The following MTCL2 variants were observed in gnomAD, a reference collection of about 807,000 sequenced individuals.
MTCL2 encodes microtubule crosslinking factor 2.
At chr20:36,783,863 A>T in the MTCL2 span, 1 of 985,440 alleles carries the variant, frequency 1.0e-6, no homozygotes, top group Non-Finnish European at 1.2e-6. Context: ...AATGCTAAAA[A>T]CCGAACCAAA....
At chr20:36,844,366 G>A in the MTCL2 span, among the ~76,000 whole-genome samples, 1 of 150,842 alleles carries the variant, frequency 6.6e-6, no homozygotes, top group Non-Finnish European at 1.5e-5. Context: ...GACCAGCCTG[G>A]GCAACACAGT....
the MTCL2 span, among the ~76,000 whole-genome samples, chr20:36,802,467 A>T: frequency 6.6e-6 from 1 of 151,954 alleles, no homozygotes; most frequent in Non-Finnish European, 1.5e-5. Context: ...TTCCCATGGG[A>T]ACCACTCTTA....
chr20:36,800,712 G>GCTCA, the MTCL2 span, among the ~76,000 whole-genome samples: 2 of 152,186 alleles, frequency 1.3e-5, no homozygotes, highest in African/African-American at 4.8e-5. Context: ...CATGAAAAAT[G>GCTCA]CTCACCTTCA....
chr20:36,857,326 CTGTT>C, the MTCL2 span, among the ~76,000 whole-genome samples: 1 of 151,864 alleles, frequency 6.6e-6, no homozygotes, highest in Non-Finnish European at 1.5e-5. Flanking sequence ...TCCGTTGTGT[CTGTT>C]TGGTGATGTG....
At chr20:36,841,025 C>T in the MTCL2 span, among the ~76,000 whole-genome samples, 1 of 151,774 alleles carries the variant, frequency 6.6e-6, no homozygotes, top group Non-Finnish European at 1.5e-5. Context: ...ACAAAAGACA[C>T]CTGGCTGGGC....
chr20:36,808,485 C>A, the MTCL2 span: 1 of 1,555,726 alleles, frequency 6.4e-7, no homozygotes, highest in Admixed American at 1.9e-5. Flanking sequence ...GCCCACACTC[C>A]CAGTCCCAGT....
At chr20:36,841,880 T>TGGGGGG in the MTCL2 span, among the ~76,000 whole-genome samples, 8 of 126,756 alleles carry the variant, frequency 6.3e-5, no homozygotes, top group Non-Finnish European at 1.3e-4. Context: ...GTGGGGTGTG[T>TGGGGGG]GTGTGTGTGT....
chr20:36,815,320 T>C, the MTCL2 span: 3 of 1,613,704 alleles, frequency 1.9e-6, no homozygotes, highest in African/African-American at 2.7e-5. The surrounding 1 kb of genome is among the most constrained non-coding windows in gnomAD (Gnocchi z 5.3). Context: ...TGGATGAGCT[T>C]GGTGTCCCTG....
At chr20:36,827,889 GGC>G in the MTCL2 span, among the ~76,000 whole-genome samples, 1 of 152,330 alleles carries the variant, frequency 6.6e-6, no homozygotes, top group Non-Finnish European at 1.5e-5. Flanking sequence ...TTATGGGCCA[GGC>G]CATGGGGGTG....
At chr20:36,812,128 A>T in the MTCL2 span, among the ~76,000 whole-genome samples, 1 of 152,222 alleles carries the variant, frequency 6.6e-6, no homozygotes, top group South Asian at 2.1e-4. Context: ...TAGAACTGAG[A>T]CTTGAACTCA....
chr20:36,805,502 AT>A, the MTCL2 span, among the ~76,000 whole-genome samples: 1 of 152,200 alleles, frequency 6.6e-6, no homozygotes, highest in African/African-American at 2.4e-5. Context: ...CTCCCAAGCC[AT>A]ACTCAATACC....
At chr20:36,797,873 G>A in the MTCL2 span, among the ~76,000 whole-genome samples, 35 of 152,206 alleles carry the variant, frequency 2.3e-4, 1 homozygote, top group Non-Finnish European at 1.0e-4. Context: ...GACTAGCTAA[G>A]CAGCAGCTAC....
chr20:36,790,635 C>T, the MTCL2 span, among the ~76,000 whole-genome samples: 2 of 151,486 alleles, frequency 1.3e-5, no homozygotes, highest in Non-Finnish European at 2.9e-5. Context: ...TGGGGTTTCA[C>T]TGTGTTGCCC....
chr20:36,839,548 G>A, the MTCL2 span: 1 of 964,136 alleles, frequency 1.0e-6, no homozygotes, highest in East Asian at 2.7e-5. This position sits in a 1 kb window ranked among gnomAD's most constrained non-coding sequence, Gnocchi z 5.1. Context: ...GGACCTGGAT[G>A]TGGCAGGCTG....
the MTCL2 span, chr20:36,797,480 T>C: frequency 2.6e-6 from 4 of 1,551,992 alleles, no homozygotes; most frequent in Non-Finnish European, 2.6e-6. Flanking sequence ...CAAGATAGCA[T>C]GGCAGCAGCC....
the MTCL2 span, chr20:36,859,475 C>T: frequency 3.7e-6 from 3 of 812,666 alleles, no homozygotes; most frequent in East Asian, 6.7e-5. Flanking sequence ...CCTCTGAACC[C>T]TTCTCAAGCA....
chr20:36,845,248 T>C, the MTCL2 span, among the ~76,000 whole-genome samples: 11 of 151,712 alleles, frequency 7.3e-5, no homozygotes, highest in Non-Finnish European at 1.0e-4. Flanking sequence ...TCTAGTTATT[T>C]CCCCCCCTAA....
At chr20:36,815,979 C>G in the MTCL2 span, 1 of 1,613,606 alleles carries the variant, frequency 6.2e-7, no homozygotes. This position sits in a 1 kb window ranked among gnomAD's most constrained non-coding sequence, Gnocchi z 5.3. Flanking sequence ...AGGACCCCCA[C>G]AGCCACCTCC....
At chr20:36,788,914 C>G in the MTCL2 span, among the ~76,000 whole-genome samples, 1 of 150,518 alleles carries the variant, frequency 6.6e-6, no homozygotes, top group Non-Finnish European at 1.5e-5. Context: ...TCGAGCGATT[C>G]TCCTGCCTCA....
Sources: gnomAD v4.1 joint callset for allele counts (sites outside exome capture counted in the v4.1 genomes callset) on GRCh38, gnomAD v4.1.1 for gene constraint, Gnocchi (gnomAD v3.1) non-coding constraint, MANE v1.5 for transcripts, NCBI Gene and HGNC (gene_info 2026-07-23, HGNC 2026-07-21) for gene names.